Variants in COPG2 observed in about 807,000 individuals in gnomAD.
COPG2 encodes coat protein complex I subunit gamma 2, also known as coatomer subunit gamma-2.
Under a neutral mutation model 46.3 loss-of-function variants are expected in COPG2, and 37 were observed. The ratio of observed to expected loss-of-function variants is 0.80; its 90% CI spans 0.61 to 1.05. The LOEUF is 1.05. COPG2 is among the 50% of genes least tolerant of loss of function. COPG2 has a pLI of 0.00. For missense variants in COPG2, 427 were observed against 387.8 expected, an observed-to-expected ratio of 1.10 and a Z score of -0.85; for synonymous variants, 159 against 129.7, an observed-to-expected ratio of 1.23 and a Z score of -1.53.
At chr7:130,580,593 C>T (rs1328931974) in intron 9 of COPG2, among the ~76,000 whole-genome samples, 14 of 115,890 alleles carry the variant, frequency 1.2e-4, no homozygotes, top group South Asian at 3.2e-4. Flanking sequence ...ATTGATAGAC[C>T]GCTAGCAAGA....
In COPG2 at chr7:130,640,704, A is replaced by T. The variant is rs1795448370; in HGVS notation, c.323+12165T>A. Among the ~76,000 whole-genome samples the T allele has an allele frequency of 2.6e-5, 4 of 152,208 alleles. No homozygotes were observed. In the South Asian group the frequency reaches 8.3e-4, roughly 31 times the overall value. On this transcript the variant is annotated intron_variant, in intron 5 of 23. Transcript: ENST00000425248. ...CTTGCAAACTGGGCAGGAAAAAGAG[A>T]AGGGAAGTAGGAGACAGAAAGGTTT...
intron 9 of COPG2, among the ~76,000 whole-genome samples, chr7:130,588,639 A>T (rs918929306): frequency 6.6e-6 from 1 of 152,100 alleles, no homozygotes; most frequent in Non-Finnish European, 1.5e-5. Context: ...CACACTGAGG[A>T]CTGTTGTGGG....
intron 5 of COPG2, among the ~76,000 whole-genome samples, chr7:130,639,953 C>T (rs782276231): frequency 6.6e-6 from 1 of 151,918 alleles, no homozygotes; most frequent in African/African-American, 2.4e-5. Context: ...GGCTTTTCCC[C>T]CACTCTTCAC....
chr7:130,590,797 T>G (rs587706993), intron 9 of COPG2, among the ~76,000 whole-genome samples: 2 of 146,652 alleles, frequency 1.4e-5, no homozygotes, highest in Admixed American at 6.7e-5. Flanking sequence ...CCGCCCATCA[T>G]CTGAGATGTG....
At chr7:130,653,411 A>G (rs1051378372) in intron 4 of COPG2, among the ~76,000 whole-genome samples, 3 of 152,158 alleles carry the variant, frequency 2.0e-5, no homozygotes, top group South Asian at 4.1e-4. Flanking sequence ...TCACCACCAC[A>G]CCTGGCTAAT....
At chr7:130,527,783 T>C (rs1049410398) in intron 20 of COPG2, among the ~76,000 whole-genome samples, 7 of 151,952 alleles carry the variant, frequency 4.6e-5, no homozygotes, top group Admixed American at 3.9e-4. Flanking sequence ...TGTCAGGTGT[T>C]AGAACACAGT....
intron 4 of COPG2, among the ~76,000 whole-genome samples, chr7:130,654,221 A>T: frequency 6.6e-6 from 1 of 152,244 alleles, no homozygotes; most frequent in East Asian, 1.9e-4. Flanking sequence ...AAACAAATAC[A>T]CAGAAATGCT....
At chr7:130,595,803 ACC>A (rs373536247) in intron 9 of COPG2, among the ~76,000 whole-genome samples, 1 of 142,944 alleles carries the variant, frequency 7.0e-6, no homozygotes, top group South Asian at 2.2e-4. Flanking sequence ...GCATTTGGGG[ACC>A]CCCCCCCTCC....
intron 20 of COPG2, chr7:130,511,070 G>A (rs1281969589): frequency 6.3e-6 from 3 of 477,604 alleles, no homozygotes; most frequent in Admixed American, 4.5e-5. Flanking sequence ...CAGCGAATTA[G>A]AGAAAAGATA....
intron 5 of COPG2, among the ~76,000 whole-genome samples, chr7:130,648,373 T>A (rs1795661165): frequency 6.6e-6 from 1 of 152,146 alleles, no homozygotes; most frequent in South Asian, 2.1e-4. Context: ...AATACATTCA[T>A]TCACCCCCTT....
intron 5 of COPG2, among the ~76,000 whole-genome samples, chr7:130,646,948 T>C (rs1795608938): frequency 1.4e-5 from 2 of 139,022 alleles, no homozygotes; most frequent in Admixed American, 7.2e-5. Flanking sequence ...TATACGTATA[T>C]ATATATATGC....
At chr7:130,660,590 A>T (rs1161618719) in intron 4 of COPG2, among the ~76,000 whole-genome samples, 2 of 152,104 alleles carry the variant, frequency 1.3e-5, no homozygotes, top group African/African-American at 4.8e-5. Context: ...CCTTATTTTT[A>T]AAAAATACCA....
rs975387725 is a variant in COPG2, at chr7:130,626,388, C to T, written c.324-9323G>A. On this transcript the variant is annotated intron_variant, in intron 5 of 23. Transcript: ENST00000425248. Reference sequence around the variant, plus strand: ...TGTCAGCCTCCCGAGTGCCTGCCACCACACCAGGCTAATTTTTTTTTTTTT... The same window carrying T: ...TGTCAGCCTCCCGAGTGCCTGCCACTACACCAGGCTAATTTTTTTTTTTTT... Among the ~76,000 whole-genome samples, 91 of 148,470 alleles carry T rather than the reference C, an allele frequency of 6.1e-4. 2 individuals are homozygous for T. Among genetic ancestry groups the T allele is most frequent in the South Asian group, 1.3e-3 (6 of 4,498 alleles).
At chr7:130,526,700 G>A (rs1406513254) in intron 20 of COPG2, among the ~76,000 whole-genome samples, 2 of 151,800 alleles carry the variant, frequency 1.3e-5, no homozygotes, top group African/African-American at 4.8e-5. Context: ...CATGGGGAAG[G>A]GAAAGTATAA....
chr7:130,606,045 A>G (rs1318588441), intron 9 of COPG2, among the ~76,000 whole-genome samples: 2 of 152,044 alleles, frequency 1.3e-5, no homozygotes, highest in African/African-American at 2.4e-5. Flanking sequence ...AGAGACTTAT[A>G]AGAAATCTGA....
intron 9 of COPG2, among the ~76,000 whole-genome samples, chr7:130,578,525 A>T (rs1202653662): frequency 1.3e-5 from 2 of 151,312 alleles, no homozygotes; most frequent in Non-Finnish European, 3.0e-5. Context: ...TGAGAGAAGA[A>T]GGCTTCAGAC....
intron 20 of COPG2, chr7:130,511,670 ACT>A: frequency 1.9e-6 from 1 of 514,228 alleles, no homozygotes; most frequent in Admixed American, 2.0e-5. Context: ...GAAATAAGAG[ACT>A]GGAAGCAAAG....
chr7:130,551,773 G>C (rs1465043724), intron 15 of COPG2, among the ~76,000 whole-genome samples: 1 of 152,174 alleles, frequency 6.6e-6, no homozygotes, highest in Non-Finnish European at 1.5e-5. Context: ...ACGTAAACTA[G>C]CCAACCTTTG....
chr7:130,562,295 G>A (rs1246142894), intron 11 of COPG2, among the ~76,000 whole-genome samples: 2 of 152,182 alleles, frequency 1.3e-5, no homozygotes, highest in Non-Finnish European at 2.9e-5. Context: ...GGAGGCGGAG[G>A]TTGCAGTGTG....
Sources: gnomAD v4.1 joint callset for allele counts (sites outside exome capture counted in the v4.1 genomes callset) on GRCh38, gnomAD v4.1.1 for gene constraint, MANE v1.5 for transcripts, NCBI Gene and HGNC (gene_info 2026-07-23, HGNC 2026-07-21) for gene names.